RAPGEF1: variants seen among roughly 807,000 people sequenced by gnomAD.
RAPGEF1 encodes CRK SH3-binding GNRP.
RAPGEF1 carries 33 observed loss-of-function variants against 143.3 expected under a neutral mutation model. The observed-to-expected ratio is 0.23, with a 90% confidence interval of 0.17 to 0.31. The LOEUF (loss-of-function observed/expected upper bound fraction) is 0.31, where lower values mean the gene tolerates loss of function less well. Among genes scored for constraint, RAPGEF1 ranks in the 10% least tolerant of loss-of-function variants. The pLI is 1.00. For missense variants in RAPGEF1, 1,199 were observed against 1,645.4 expected, an observed-to-expected ratio of 0.73 and a Z score of 4.69; for synonymous variants, 629 against 676.5, an observed-to-expected ratio of 0.93 and a Z score of 1.09.
intron 1 of RAPGEF1, among the ~76,000 whole-genome samples, chr9:131,728,123 G>C (rs1428299071): frequency 6.6e-6 from 1 of 152,142 alleles, no homozygotes; most frequent in African/African-American, 2.4e-5. Context: ...GTGGAGCAGG[G>C]GTTAAGGAAG....
At chr9:131,588,163 G>T in intron 20 of RAPGEF1, 137 bp from the exon 21 acceptor site, 3 of 707,898 alleles carry the variant, frequency 4.2e-6, no homozygotes, top group Non-Finnish European at 2.4e-6. Context: ...GGGCGGGGAA[G>T]CCCCAAAAGG....
At chr9:131,712,503 C>G (rs182732306) in intron 1 of RAPGEF1, among the ~76,000 whole-genome samples, 156 of 152,296 alleles carry the variant, frequency 1.0e-3, no homozygotes, top group African/African-American at 3.6e-3. Context: ...CTCCTTAGCT[C>G]AGGCCACTCT....
chr9:131,627,864 C>A, intron 9 of RAPGEF1, 49 bp downstream of exon 9: 1 of 1,542,926 alleles, frequency 6.5e-7, no homozygotes, highest in South Asian at 1.2e-5. Flanking sequence ...GTAATGGCCC[C>A]AGAGAAGCCA....
Position 131,714,715 on chromosome 9 carries a change from T to A in RAPGEF1, c.61+25055A>T, listed in dbSNP as rs1218786074. On this transcript the variant is annotated intron_variant, in intron 1 of 26. Transcript: ENST00000683357. ...TCCTCTAGACTCTGCCTTTTTTTTTTTTTTTTTTTTTTGAGACAGTCTCCC... is the reference window on the plus strand; with the variant it reads ...TCCTCTAGACTCTGCCTTTTTTTTTATTTTTTTTTTTTGAGACAGTCTCCC... Among the ~76,000 whole-genome samples the A allele has an allele frequency of 7.4e-4, 110 of 149,386 alleles. 1 individual carries two copies. Among genetic ancestry groups the A allele is most frequent in the Admixed American group, 2.0e-3 (30 of 15,062 alleles).
intron 12 of RAPGEF1, among the ~76,000 whole-genome samples, chr9:131,616,707 T>C (rs143053926): frequency 1.8e-4 from 28 of 152,336 alleles, no homozygotes; most frequent in African/African-American, 6.7e-4. Flanking sequence ...CAGAGTTCCA[T>C]GCTGGACAAA....
chr9:131,727,442 T>C (rs1836752230), intron 1 of RAPGEF1, among the ~76,000 whole-genome samples: 1 of 152,060 alleles, frequency 6.6e-6, no homozygotes, highest in African/African-American at 2.4e-5. Flanking sequence ...TTCAAGGCCC[T>C]CCAATTATAG....
intron 15 of RAPGEF1, among the ~76,000 whole-genome samples, chr9:131,601,660 C>T (rs1313486692): frequency 1.3e-5 from 2 of 152,124 alleles, no homozygotes; most frequent in East Asian, 3.9e-4. Context: ...AAGCCCAGCA[C>T]TTTGGGAGGC....
intron 1 of RAPGEF1, among the ~76,000 whole-genome samples, chr9:131,712,398 A>C (rs1197824186): frequency 6.6e-6 from 1 of 152,222 alleles, no homozygotes; most frequent in Non-Finnish European, 1.5e-5. Context: ...CCTGGAATGC[A>C]TTAACCAGAG....
rs35405559 is a variant in RAPGEF1, at chr9:131,634,713, C to CAAAAA, written c.651+3917_651+3921dup. On this transcript the variant is annotated intron_variant, in intron 5 of 26. Transcript: ENST00000683357. ...GGGCAACAAGAGTGAGACTCCGTCT[C>CAAAAA]AAAAAAAAAAAAAAAAAAAAAAAAA... is the stretch of plus-strand genomic sequence containing the variant. Among the ~76,000 whole-genome samples, 76 of 61,218 alleles carry CAAAAA rather than the reference C, an allele frequency of 1.2e-3. 9 individuals carry two copies. Among genetic ancestry groups the CAAAAA allele is most frequent in the African/African-American group, 3.4e-3 (44 of 12,812 alleles). 40.2% of individuals were successfully genotyped at this position (61,218 alleles called of 152,430 possible).
At chr9:131,736,167 G>A (rs1837401457) in intron 1 of RAPGEF1, among the ~76,000 whole-genome samples, 1 of 152,132 alleles carries the variant, frequency 6.6e-6, no homozygotes, top group Non-Finnish European at 1.5e-5. Context: ...ATCCCTCTGA[G>A]CTCCTAGGGA....
intron 12 of RAPGEF1, 62 bp downstream of exon 12, chr9:131,618,989 C>G (rs533103164): frequency 1.9e-5 from 25 of 1,285,706 alleles, no homozygotes; most frequent in Admixed American, 1.8e-4. Flanking sequence ...CTGAGGCACA[C>G]GCTTCCAAGG....
intron 1 of RAPGEF1, among the ~76,000 whole-genome samples, chr9:131,686,915 G>T (rs558700341): frequency 9.9e-5 from 15 of 152,268 alleles, no homozygotes; most frequent in Middle Eastern, 3.4e-3. Flanking sequence ...TTATTTAGTT[G>T]AACTATGATA....
At chr9:131,592,909 G>A (rs984213603) in intron 17 of RAPGEF1, among the ~76,000 whole-genome samples, 3 of 152,084 alleles carry the variant, frequency 2.0e-5, no homozygotes, top group Non-Finnish European at 2.9e-5. Flanking sequence ...GCGCCACTAC[G>A]CCTGGCTGAT....
chr9:131,593,485 C>T (rs3780267), intron 17 of RAPGEF1, among the ~76,000 whole-genome samples: 40,566 of 152,176 alleles, frequency 0.27, 6,612 homozygotes, highest in Non-Finnish European at 0.37. Flanking sequence ...GGTGCAAACA[C>T]GCACTGCTTA....
intron 1 of RAPGEF1, among the ~76,000 whole-genome samples, chr9:131,736,924 T>C (rs1837455623): frequency 6.6e-6 from 1 of 152,176 alleles, no homozygotes; most frequent in South Asian, 2.1e-4. Flanking sequence ...CTCTGGAGAC[T>C]GAATAGTGGG....
At chr9:131,587,496 C>T (rs954881291) in intron 22 of RAPGEF1, among the ~76,000 whole-genome samples, 7 of 152,206 alleles carry the variant, frequency 4.6e-5, no homozygotes, top group Admixed American at 3.3e-4. Flanking sequence ...CATCGCTCCT[C>T]GACCCTGGCA....
rs564981787 is a variant in RAPGEF1 at position 131,657,899 on chromosome 9, T to C, written c.62-6950A>G. The stretch of plus-strand genomic sequence containing the variant: ...AAGTTTGTGAACGTTACCTAAGTGA[T>C]GGCATATTGTAAAGATTCTCACGCT... On this transcript the variant is annotated intron_variant, in intron 1 of 26. Coordinates refer to ENST00000683357, the MANE Select transcript of RAPGEF1 (RefSeq NM_001377935.1). Among the ~76,000 whole-genome samples, 6 of 152,376 alleles carry C rather than the reference T, an allele frequency of 3.9e-5. No individual in the cohort carries two copies. The South Asian group carries it at 8.3e-4, about 21-fold the overall frequency.
At chr9:131,737,690 C>T (rs1305829807) in intron 1 of RAPGEF1, among the ~76,000 whole-genome samples, 2 of 152,094 alleles carry the variant, frequency 1.3e-5, no homozygotes, top group Non-Finnish European at 2.9e-5. Flanking sequence ...AGAGGCCCAG[C>T]GCGGTGGCTC....
At position 131,604,885 on chromosome 9, in the gene RAPGEF1, G is replaced by GGTGT. The variant is rs58627149; in HGVS notation, c.2319+42_2319+45dup. On this transcript the variant is annotated intron_variant, in intron 13 of 26. Coordinates refer to ENST00000683357, the MANE Select transcript of RAPGEF1 (RefSeq NM_001377935.1). ...AAAAACGTGCAGCCCCATGTGCAGG[G>GGTGT]GTGTGTGTGTGTGTGTGTGTGTGTG... is the stretch of plus-strand genomic sequence containing the variant. The GGTGT allele has an allele frequency of 7.6e-3, 9,016 of 1,191,910 alleles. 48 individuals are homozygous for GGTGT. Among genetic ancestry groups the GGTGT allele is most frequent in the Admixed American group, 0.068 (2,619 of 38,368 alleles). 73.8% of individuals were successfully genotyped at this position (1,191,910 alleles called of 1,614,324 possible).
Sources: allele counts gnomAD v4.1 joint callset (sites outside exome capture counted in the v4.1 genomes callset), GRCh38; gene constraint gnomAD v4.1.1; transcripts MANE v1.5; gene names NCBI Gene and HGNC (gene_info 2026-07-23, HGNC 2026-07-21).